The following RIN2 variants were observed in gnomAD, a reference collection of about 807,000 sequenced individuals.
The protein encoded by RIN2 is RAB5 interacting protein 2.
Under a neutral mutation model 78.0 loss-of-function variants are expected in RIN2, and 36 were observed. That is an observed-to-expected ratio of 0.46 (90% CI 0.35 to 0.61). RIN2 has a LOEUF of 0.61. RIN2 is among the 20% of genes least tolerant of loss of function. The pLI is 0.00. For synonymous variants in RIN2, 466 were observed against 466.8 expected, an observed-to-expected ratio of 1.00 and a Z score of 0.02; for missense variants, 1,087 against 1,159.7, an observed-to-expected ratio of 0.94 and a Z score of 0.91.
chr20:19,979,523 C>T (rs1431759322), intron 9 of RIN2, among the ~76,000 whole-genome samples: 1 of 152,066 alleles, frequency 6.6e-6, no homozygotes, highest in Admixed American at 6.6e-5. Flanking sequence ...TGGTTAGACA[C>T]CGGAGAGTAT....
intron 7 of RIN2, among the ~76,000 whole-genome samples, chr20:19,969,603 CTATCGG>C (rs1243517500): frequency 1.3e-5 from 2 of 152,180 alleles, no homozygotes; most frequent in Non-Finnish European, 2.9e-5. Flanking sequence ...TGTTTATTGT[CTATCGG>C]TATCCCCTGA....
intron 1 of RIN2, among the ~76,000 whole-genome samples, chr20:19,788,439 A>AAAACAAAAAACAAAAAAAAAAC (rs1555818731): frequency 7.5e-6 from 1 of 132,994 alleles, no homozygotes; most frequent in Admixed American, 7.4e-5. Context: ...TGCCAAAAAA[A>AAAACAAAAAACAAAAAAAAAAC]AAAAAAAAAA....
At chr20:19,781,022 G>T (rs2034484550) in intron 1 of RIN2, among the ~76,000 whole-genome samples, 1 of 152,200 alleles carries the variant, frequency 6.6e-6, no homozygotes, top group Non-Finnish European at 1.5e-5. Context: ...ACATGATCTT[G>T]GTTGGGTGGC....
chr20:19,940,157 G>C (rs1396585756), intron 4 of RIN2, among the ~76,000 whole-genome samples: 1 of 152,146 alleles, frequency 6.6e-6, no homozygotes, highest in Non-Finnish European at 1.5e-5. Flanking sequence ...TGGCCTATCT[G>C]TGCATTTCCT....
intron 3 of RIN2, among the ~76,000 whole-genome samples, chr20:19,909,223 A>G (rs1385997942): frequency 6.6e-6 from 1 of 152,106 alleles, no homozygotes; most frequent in Admixed American, 6.6e-5. Context: ...ACCTGTCATC[A>G]GAGCAGCCAG....
intron 3 of RIN2, among the ~76,000 whole-genome samples, chr20:19,896,929 A>T (rs1017511499): frequency 6.6e-6 from 1 of 152,236 alleles, no homozygotes. Flanking sequence ...CACATGATAG[A>T]TATAAAAAAG....
intron 1 of RIN2, among the ~76,000 whole-genome samples, chr20:19,797,912 C>T (rs555151227): frequency 7.2e-5 from 10 of 138,888 alleles, no homozygotes; most frequent in South Asian, 2.3e-4. Flanking sequence ...CCCAGGTTGG[C>T]GGTGTCTCAG....
intron 1 of RIN2, among the ~76,000 whole-genome samples, chr20:19,797,920 C>T (rs2035111871): frequency 7.0e-6 from 1 of 143,414 alleles, no homozygotes; most frequent in Non-Finnish European, 1.5e-5. Context: ...GGCGGTGTCT[C>T]AGCTCACTGC....
At chr20:19,907,203 C>G (rs1419575458) in intron 3 of RIN2, among the ~76,000 whole-genome samples, 1 of 152,198 alleles carries the variant, frequency 6.6e-6, no homozygotes, top group Non-Finnish European at 1.5e-5. Context: ...ATAACCAGCC[C>G]ACTCCCAAAA....
At chr20:19,945,373 G>T (rs2041049070) in intron 4 of RIN2, among the ~76,000 whole-genome samples, 1 of 152,144 alleles carries the variant, frequency 6.6e-6, no homozygotes, top group African/African-American at 2.4e-5. Flanking sequence ...ATAAATTGAT[G>T]ACTGAATGTG....
intron 2 of RIN2, among the ~76,000 whole-genome samples, chr20:19,878,424 G>A (rs572330422): frequency 4.9e-4 from 74 of 152,286 alleles, no homozygotes; most frequent in African/African-American, 1.7e-3. Context: ...CTATTGGAGG[G>A]AGAAGAGGTG....
At chr20:19,863,445 C>T (rs989549920) in intron 2 of RIN2, among the ~76,000 whole-genome samples, 17 of 152,168 alleles carry the variant, frequency 1.1e-4, no homozygotes, top group Admixed American at 9.8e-4. Flanking sequence ...AATGTCCCCA[C>T]AAGCAGCCTT....
At chr20:19,770,435 G>C (rs2034066551) in intron 1 of RIN2, among the ~76,000 whole-genome samples, 1 of 152,166 alleles carries the variant, frequency 6.6e-6, no homozygotes, top group Admixed American at 6.5e-5. Context: ...GAGGCAAGGA[G>C]AAAGCCCTCT....
intron 2 of RIN2, among the ~76,000 whole-genome samples, chr20:19,824,328 A>G (rs1189135711): frequency 2.0e-5 from 3 of 152,196 alleles, no homozygotes; most frequent in African/African-American, 4.8e-5. Context: ...GTTTATTTTA[A>G]GATTATTCAA....
intron 2 of RIN2, among the ~76,000 whole-genome samples, chr20:19,822,757 T>G (rs1437897047): frequency 2.0e-5 from 3 of 152,230 alleles, no homozygotes; most frequent in Non-Finnish European, 4.4e-5. Flanking sequence ...TGGTCACTTT[T>G]TGTTGCTCAT....
At chr20:19,868,280 C>G (rs967692061) in intron 2 of RIN2, among the ~76,000 whole-genome samples, 2 of 152,248 alleles carry the variant, frequency 1.3e-5, no homozygotes, top group Non-Finnish European at 2.9e-5. Context: ...CGGAGAAAAA[C>G]AGGAAATTGG....
chr20:19,822,658 A>G (rs1031531041), intron 2 of RIN2, among the ~76,000 whole-genome samples: 1 of 150,754 alleles, frequency 6.6e-6, no homozygotes, highest in African/African-American at 2.5e-5. Context: ...AAATACACAC[A>G]CACACACACC....
intron 2 of RIN2, among the ~76,000 whole-genome samples, chr20:19,839,287 C>T (rs957873602): frequency 2.6e-5 from 4 of 152,206 alleles, no homozygotes; most frequent in Non-Finnish European, 4.4e-5. Flanking sequence ...CAGGATGGGA[C>T]CTCCCTCCTC....
chr20:19,893,643 G>C (rs114978347), intron 3 of RIN2, among the ~76,000 whole-genome samples: 2 of 152,110 alleles, frequency 1.3e-5, no homozygotes, highest in African/African-American at 4.8e-5. Context: ...GATGCCCTGT[G>C]GTTACTGTGG....
Sources: gnomAD v4.1 joint callset for allele counts (sites outside exome capture counted in the v4.1 genomes callset) on GRCh38, gnomAD v4.1.1 for gene constraint, MANE v1.5 for transcripts, NCBI Gene and HGNC (gene_info 2026-07-23, HGNC 2026-07-21) for gene names.